PDE1A: variants seen among roughly 807,000 people sequenced by gnomAD.
The protein encoded by PDE1A is dual specificity calcium/calmodulin-dependent 3',5'-cyclic nucleotide phosphodiesterase 1A.
A neutral mutation model predicts 61.7 loss-of-function variants in PDE1A; 35 were observed. The observed-to-expected ratio is 0.57, with a 90% CI of 0.43 to 0.75. The LOEUF is 0.75. Among genes scored for constraint, PDE1A ranks in the 30% least tolerant of loss-of-function variants. The pLI, the probability that PDE1A is intolerant of heterozygous loss-of-function variation, is 0.00. For missense variants in PDE1A, 597 were observed against 630.6 expected (o/e 0.95, Z 0.57); for synonymous variants, 232 against 213.2 (o/e 1.09, Z -0.77).
At chr2:182,201,650 CAA>C (rs56413404) in intron 9 of PDE1A, 36 bp downstream of exon 9, 26 of 1,268,222 alleles carry the variant, frequency 2.1e-5, no homozygotes, top group African/African-American at 1.1e-4. Flanking sequence ...TTTAACATGA[CAA>C]AAAAAAAAAA....
At position 182,473,995 on chromosome 2, in the gene PDE1A, T is replaced by C. The variant is rs567609116; in HGVS notation, c.101+48281A>G. Among the ~76,000 whole-genome samples the C allele has an allele frequency of 7.2e-5, 11 of 152,140 alleles. No homozygotes were observed. In the South Asian group the frequency reaches 2.3e-3, roughly 32 times the overall value. On this transcript the variant is annotated intron_variant, in intron 2 of 14. Transcript: ENST00000410103. ...GTAGAATGATTTATATTCCTTTGGG[T>C]ATATACCCAGTAATGGGGTTGCTGT...
At chr2:182,330,082 G>A (rs1000795504) in intron 1 of PDE1A, among the ~76,000 whole-genome samples, 1 of 151,944 alleles carries the variant, frequency 6.6e-6, no homozygotes, top group Non-Finnish European at 1.5e-5. Context: ...GTGGCTCAAC[G>A]TCTGTAATCC....
chr2:182,428,095 C>T (rs561717928), upstream of PDE1A, among the ~76,000 whole-genome samples: 3 of 152,162 alleles, frequency 2.0e-5, no homozygotes, highest in South Asian at 2.1e-4. Flanking sequence ...TGGATTTTAT[C>T]GAGCCGTTCT....
the PDE1A span, among the ~76,000 whole-genome samples, chr2:182,691,788 A>G: frequency 6.6e-6 from 1 of 152,168 alleles, no homozygotes; most frequent in South Asian, 2.1e-4. Context: ...TCATGTGACA[A>G]AGGGCTAATA....
At chr2:182,482,129 T>C (rs892184155) in intron 2 of PDE1A, among the ~76,000 whole-genome samples, 3 of 151,920 alleles carry the variant, frequency 2.0e-5, no homozygotes, top group African/African-American at 7.2e-5. Flanking sequence ...CCATGGTAAA[T>C]TTAGAGTCTG....
chr2:182,327,503 G>A (rs1214856346), intron 1 of PDE1A, among the ~76,000 whole-genome samples: 2 of 152,208 alleles, frequency 1.3e-5, no homozygotes, highest in Non-Finnish European at 2.9e-5. Flanking sequence ...GTAAGGAGAT[G>A]AGGAAAAATC....
chr2:182,292,219 C>T (rs1157996779), intron 1 of PDE1A, among the ~76,000 whole-genome samples: 4 of 151,910 alleles, frequency 2.6e-5, no homozygotes, highest in Admixed American at 6.6e-5. Flanking sequence ...TCTACTAATC[C>T]TATCATCTGA....
chr2:182,374,216 ACT>A (rs1700271617), intron 1 of PDE1A, among the ~76,000 whole-genome samples: 1 of 152,096 alleles, frequency 6.6e-6, no homozygotes, highest in African/African-American at 2.4e-5. Context: ...AAAATAGATA[ACT>A]CTCAAAGACT....
chr2:182,157,611 GT>G (rs139459859), intron 13 of PDE1A, among the ~76,000 whole-genome samples: 4 of 151,792 alleles, frequency 2.6e-5, no homozygotes, highest in Non-Finnish European at 5.9e-5. Context: ...TTTTCTCTTC[GT>G]TTTTTTCGTG....
intron 2 of PDE1A, among the ~76,000 whole-genome samples, chr2:182,453,660 C>CA (rs1574695836): frequency 6.6e-6 from 1 of 152,082 alleles, no homozygotes; most frequent in East Asian, 1.9e-4. Flanking sequence ...GAACCAAAGA[C>CA]AAAAACCACA....
At chr2:182,359,723 T>C (rs2125156749) in intron 1 of PDE1A, among the ~76,000 whole-genome samples, 1 of 152,102 alleles carries the variant, frequency 6.6e-6, no homozygotes, top group South Asian at 2.1e-4. Flanking sequence ...CTCCCAGCGG[T>C]CAAGAAAAGT....
At chr2:182,574,690 G>C in the PDE1A span, among the ~76,000 whole-genome samples, 1 of 150,096 alleles carries the variant, frequency 6.7e-6, no homozygotes, top group South Asian at 2.1e-4. Context: ...CGTTTTTTTT[G>C]TTTGTTTGTT....
the PDE1A span, among the ~76,000 whole-genome samples, chr2:182,571,985 T>C: frequency 6.6e-6 from 1 of 152,206 alleles, no homozygotes. Context: ...ATAGCTTATT[T>C]CTCTTAGAAC....
At chr2:182,489,290 T>A (rs1442124109) in intron 2 of PDE1A, among the ~76,000 whole-genome samples, 1 of 151,866 alleles carries the variant, frequency 6.6e-6, no homozygotes, top group Non-Finnish European at 1.5e-5. Context: ...GAAAAGGACA[T>A]GAAGTTAAAA....
At chr2:182,522,582 CCCT>C in intron 1 of PDE1A, 1 of 1,373,950 alleles carries the variant, frequency 7.3e-7, no homozygotes, top group Non-Finnish European at 9.4e-7. Context: ...CTCACCACCC[CCCT>C]AAGCAGACAG....
chr2:182,233,541 A>T (rs1432519), intron 4 of PDE1A, among the ~76,000 whole-genome samples: 100,211 of 151,968 alleles, frequency 0.66, 33,151 homozygotes, highest in South Asian at 0.76. Context: ...GATGCTTAAA[A>T]TTTTTAAAAA....
chr2:182,383,634 AT>A (rs1700862346), intron 1 of PDE1A, among the ~76,000 whole-genome samples: 1 of 152,184 alleles, frequency 6.6e-6, no homozygotes, highest in South Asian at 2.1e-4. Context: ...TCCAGTAGTT[AT>A]CCCCCAACAA....
chr2:182,466,842 T>G (rs543914991), intron 2 of PDE1A, among the ~76,000 whole-genome samples: 1 of 152,100 alleles, frequency 6.6e-6, no homozygotes, highest in African/African-American at 2.4e-5. Flanking sequence ...TCCTAACTAG[T>G]GCCTTCTTTC....
intron 1 of PDE1A, among the ~76,000 whole-genome samples, chr2:182,422,061 T>G (rs768955399): frequency 1.3e-5 from 2 of 152,192 alleles, no homozygotes; most frequent in African/African-American, 4.8e-5. Flanking sequence ...CTGAATGCTG[T>G]GAAGATCCCA....
Sources: allele counts gnomAD v4.1 joint callset (sites outside exome capture counted in the v4.1 genomes callset), GRCh38; gene constraint gnomAD v4.1.1; transcripts MANE v1.5; gene names NCBI Gene and HGNC (gene_info 2026-07-23, HGNC 2026-07-21).